The following CYP2U1 variants were observed in gnomAD, a reference collection of about 807,000 sequenced individuals.
CYP2U1 encodes the protein cytochrome P450 family 2 subfamily U member 1.
In CYP2U1, 28 loss-of-function variants were observed where a neutral mutation model predicts 42.8. The ratio of observed to expected loss-of-function variants is 0.65; its 90% CI spans 0.48 to 0.90. CYP2U1 has a LOEUF of 0.90. Among genes scored for constraint, CYP2U1 ranks in the 40% least tolerant of loss-of-function variants. The probability of loss-of-function intolerance (pLI) is 0.00; values close to 1 mark genes in which losing one functional copy is unlikely to be tolerated. For missense variants in CYP2U1, 642 were observed against 693.8 expected, an observed-to-expected ratio of 0.93 and a Z score of 0.84; for synonymous variants, 296 against 278.9, an observed-to-expected ratio of 1.06 and a Z score of -0.61.
At chr4:107,935,441 A>G (rs1378160003) in intron 1 of CYP2U1, among the ~76,000 whole-genome samples, 1 of 152,194 alleles carries the variant, frequency 6.6e-6, no homozygotes, top group Non-Finnish European at 1.5e-5. Context: ...TAAAAGAATT[A>G]ATGAGAGAAA....
At chr4:107,933,514 C>G (rs1733126952) in intron 1 of CYP2U1, among the ~76,000 whole-genome samples, 1 of 152,136 alleles carries the variant, frequency 6.6e-6, no homozygotes, top group African/African-American at 2.4e-5. Flanking sequence ...TGATCTTTAT[C>G]CCTACTCATT....
Position 107,950,307 on chromosome 4 carries a change from C to T in CYP2U1, c.1519C>T (p.Leu507=). The T allele has an allele frequency of 6.2e-7, 1 of 1,613,984 alleles. No homozygotes were observed. Among genetic ancestry groups the T allele is most frequent in the Non-Finnish European group, 8.5e-7 (1 of 1,179,988 alleles). ...GGAATTATTCCTAATGTTTGTGAGC[C>T]TAATGCAGAGTTTCGCATTTGCTTT... is the stretch of plus-strand genomic sequence containing the variant. ...KMELFLMFVS[L]MQSFAFALPE... is the part of the protein sequence containing the mutation. The change falls in exon 5 of 5, where the codon CTA becomes TTA. Residue 507 remains leucine (L), a synonymous_variant. Transcript: ENST00000332884.
At position 107,950,485 on chromosome 4, in the gene CYP2U1, C is replaced by T; in HGVS notation, c.*62C>T. On this transcript the variant is annotated 3_prime_UTR_variant, in exon 5 of 5. Transcript: ENST00000332884. ...AAATACATATCCTTCTAAGCAGATT[C>T]TTCCTACTGCAAAGGACAGTGAATC... 6.8e-7 allele frequency: 1 copy of T among 1,478,446 alleles called. No individual in the cohort carries two copies. Among genetic ancestry groups the T allele is most frequent in the South Asian group, 1.4e-5 (1 of 71,434 alleles). 91.6% of individuals were successfully genotyped at this position (1,478,446 alleles called of 1,614,324 possible). A position where few individuals can be genotyped will look rare whatever the true frequency, so the allele number is the denominator to read the frequency against.
At position 107,945,609 on chromosome 4, in the gene CYP2U1, A is replaced by G; in HGVS notation, c.1126+4A>G. The G allele has an allele frequency of 1.3e-6, 2 of 1,553,076 alleles. No individual in the cohort carries two copies. Among genetic ancestry groups the G allele is most frequent in the Non-Finnish European group, 1.7e-6 (2 of 1,152,078 alleles). On this transcript the variant is annotated splice_donor_region_variant and intron_variant, in intron 2 of 4. Coordinates refer to ENST00000332884, the MANE Select transcript of CYP2U1 (RefSeq NM_183075.3). ...TCGCTGAACCCCGATGTACAAGGTA[A>G]TTAATAGGTGTTTCCTTTGTTCATG...
chr4:107,942,408 T>G (rs1290547603), intron 1 of CYP2U1, among the ~76,000 whole-genome samples: 1 of 152,182 alleles, frequency 6.6e-6, no homozygotes, highest in East Asian at 1.9e-4. Flanking sequence ...AAATCCTAAA[T>G]AAGTTTGAGA....
chr4:107,947,322 C>T (rs745937903), intron 2 of CYP2U1, 54 bp from the exon 3 acceptor site: 4 of 1,542,864 alleles, frequency 2.6e-6, no homozygotes, highest in African/African-American at 1.4e-5. Context: ...GAGGAGGGCA[C>T]GTTCGACTCT....
At chr4:107,944,934 TG>T in intron 1 of CYP2U1, 35 bp from the exon 2 acceptor site, 1 of 1,559,902 alleles carries the variant, frequency 6.4e-7, no homozygotes. Context: ...TCAGGAATAC[TG>T]TTTCTCATCT....
intron 1 of CYP2U1, among the ~76,000 whole-genome samples, chr4:107,942,045 C>A (rs1733511941): frequency 1.3e-5 from 2 of 152,202 alleles, no homozygotes; most frequent in African/African-American, 2.4e-5. Flanking sequence ...GTTCAATAAT[C>A]ATAAAGAAGG....
rs1001712858 is a variant in CYP2U1, at chr4:107,951,499, G to A, written c.*1076G>A. On this transcript the variant is annotated 3_prime_UTR_variant, in exon 5 of 5. Coordinates refer to ENST00000332884, the MANE Select transcript of CYP2U1 (RefSeq NM_183075.3). ...CCTCTGGAAAAGCAGTTTTCAGCAG[G>A]GGTGGTAACCCCTTCAGAGGGAGTT... 2.6e-5 allele frequency: 4 copies of A among 152,180 alleles called. No individual in the cohort carries two copies. Among genetic ancestry groups the A allele is most frequent in the African/African-American group, 9.7e-5 (4 of 41,438 alleles). The allele number at this position is 152,180 out of a possible 1,614,324, so 9.4% of individuals were successfully genotyped here. A position where few individuals can be genotyped will look rare whatever the true frequency, so the allele number is the denominator to read the frequency against.
In CYP2U1 at chr4:107,945,188, T is replaced by C; in HGVS notation, c.709T>C (p.Phe237Leu). The change falls in exon 2 of 5, where the codon TTT becomes CTT. Residue 237 changes from phenylalanine to leucine, a missense_variant. Transcript: ENST00000332884. The part of the protein sequence containing the change: ...AVSNIICSLC[F>L]GQRFDYTNSE... ...CTCTAACATCATTTGCTCCTTGTGC[T>C]TTGGCCAGCGCTTTGATTACACTAA... 6.2e-7 allele frequency: 1 copy of C among 1,614,062 alleles called. No homozygotes were observed. The highest frequency in any genetic ancestry group is 1.3e-5 in the African/African-American group (1 of 75,016).
chr4:107,945,959 AGTT>A (rs1733685984), intron 2 of CYP2U1, among the ~76,000 whole-genome samples: 1 of 152,238 alleles, frequency 6.6e-6, no homozygotes, highest in African/African-American at 2.4e-5. Context: ...GGCTCAGAGA[AGTT>A]GTGTGACTTT....
intron 2 of CYP2U1, 24 bp from the exon 3 acceptor site, chr4:107,947,352 G>T (rs772686853): frequency 1.2e-6 from 2 of 1,612,568 alleles, no homozygotes; most frequent in East Asian, 2.2e-5. Flanking sequence ...TTATCTTCTG[G>T]TTTATTTTTC....
chr4:107,944,839 C>CATATATAT lies in CYP2U1; in HGVS notation c.491-126_491-119dup, dbSNP rs374845038. 59 of 64,112 alleles carry CATATATAT rather than the reference C, an allele frequency of 9.2e-4. 8 individuals carry two copies. The highest frequency in any genetic ancestry group is 3.7e-3 in the Admixed American group (12 of 3,286). The allele number at this position is 64,112 out of a possible 1,614,324, so 4.0% of individuals were successfully genotyped here. A position where few individuals can be genotyped will look rare whatever the true frequency, so the allele number is the denominator to read the frequency against. On this transcript the variant is annotated intron_variant, in intron 1 of 4. Coordinates refer to ENST00000332884, the MANE Select transcript of CYP2U1 (RefSeq NM_183075.3). ...TCTTGACTAGTGGTCTTTATATATACATATATATATATTTATATGAGGAAT... is the reference window on the plus strand; with the variant it reads ...TCTTGACTAGTGGTCTTTATATATACATATATATATATATATATATTTATATGAGGAAT...
chr4:107,937,020 A>C (rs1733296488), intron 1 of CYP2U1, among the ~76,000 whole-genome samples: 1 of 152,222 alleles, frequency 6.6e-6, no homozygotes, highest in African/African-American at 2.4e-5. Flanking sequence ...ACTAGTCATG[A>C]AAGTAGAAAA....
At chr4:107,935,018 T>G (rs1733207057) in intron 1 of CYP2U1, among the ~76,000 whole-genome samples, 1 of 152,256 alleles carries the variant, frequency 6.6e-6, no homozygotes, top group Admixed American at 6.5e-5. Flanking sequence ...CCCTACTTCT[T>G]GGCACAGAAT....
At position 107,945,150 on chromosome 4, in the gene CYP2U1, T is replaced by C. The variant is rs139692261; in HGVS notation, c.671T>C (p.Ile224Thr). Reference protein sequence around the residue: ...GEDPFCPFSIISNAVSNIICS... With the variant: ...GEDPFCPFSITSNAVSNIICS... The stretch of plus-strand genomic sequence containing the variant: ...GACCCCTTCTGCCCTTTCTCCATCA[T>C]CAGCAATGCCGTCTCTAACATCATT... Residue 224 changes from isoleucine to threonine, a missense_variant, in exon 2 of 5, where the codon ATC becomes ACC. Coordinates refer to ENST00000332884, the MANE Select transcript of CYP2U1 (RefSeq NM_183075.3). The C allele has an allele frequency of 6.0e-5, 97 of 1,613,916 alleles. No homozygotes were observed. Among genetic ancestry groups the C allele is most frequent in the Middle Eastern group, 3.3e-4 (2 of 6,084 alleles).
intron 1 of CYP2U1, among the ~76,000 whole-genome samples, chr4:107,932,556 A>T (rs566297634): frequency 1.8e-4 from 27 of 152,340 alleles, no homozygotes; most frequent in Admixed American, 1.2e-3. Context: ...GTAAGAATTT[A>T]AGAAGATAAT....
Position 107,947,554 on chromosome 4 carries a change from C to A in CYP2U1, c.1288+17C>A. On this transcript the variant is annotated intron_variant, in intron 3 of 4. Coordinates refer to ENST00000332884, the MANE Select transcript of CYP2U1 (RefSeq NM_183075.3). ...AGAACACAGGCAAGTCCAGGGTCTT[C>A]CTCTTTGAATGCCCTTGACGGAAGC... The A allele has an allele frequency of 1.2e-6, 2 of 1,613,344 alleles. No individual in the cohort carries two copies. The highest frequency in any genetic ancestry group is 1.7e-6 in the Non-Finnish European group (2 of 1,179,608).
At chr4:107,941,533 A>G (rs1733495050) in intron 1 of CYP2U1, among the ~76,000 whole-genome samples, 1 of 152,178 alleles carries the variant, frequency 6.6e-6, no homozygotes, top group African/African-American at 2.4e-5. Context: ...ACTAGGGTAA[A>G]AAAGCAAGCA....
Sources: allele counts gnomAD v4.1 joint callset (sites outside exome capture counted in the v4.1 genomes callset), GRCh38; gene constraint gnomAD v4.1.1; transcripts MANE v1.5; gene names NCBI Gene and HGNC (gene_info 2026-07-23, HGNC 2026-07-21).